The following NSUN7 variants were observed in gnomAD, a reference collection of about 807,000 sequenced individuals.
NSUN7 encodes NOP2/Sun RNA methyltransferase family member 7.
Under a neutral mutation model 58.5 loss-of-function variants are expected in NSUN7, and 39 were observed. That is an observed-to-expected ratio of 0.67 (90% confidence interval 0.52 to 0.87). The LOEUF is 0.87. Among genes scored for constraint, NSUN7 ranks in the 40% least tolerant of loss-of-function variants. The pLI is 0.00. For missense variants in NSUN7, 765 were observed against 844.1 expected (o/e 0.91, Z 1.16); for synonymous variants, 278 against 303.7 (o/e 0.92, Z 0.88).
At chr4:40,804,214 C>T (rs962865527) in intron 10 of NSUN7, among the ~76,000 whole-genome samples, 4 of 151,702 alleles carry the variant, frequency 2.6e-5, no homozygotes, top group African/African-American at 7.3e-5. Flanking sequence ...CTGAGGTGGG[C>T]GGATCACCTA....
At chr4:40,795,060 T>C (rs1193291232) in intron 9 of NSUN7, among the ~76,000 whole-genome samples, 1 of 152,202 alleles carries the variant, frequency 6.6e-6, no homozygotes, top group African/African-American at 2.4e-5. Context: ...GAGAAATTAA[T>C]AAGCTTTTAT....
In NSUN7 at chr4:40,778,974, C is replaced by T. The variant is rs376516954; in HGVS notation, c.1036+2715C>T. 2.6e-5 allele frequency among the ~76,000 whole-genome samples: 4 copies of T among 152,200 alleles called. No homozygotes were observed. In the East Asian group the frequency reaches 7.7e-4, roughly 29 times the overall value. ...AAAGATATTCTCAGACAAATAAGAT[C>T]TGAGAGTTTGTCACTAGTAGACACA... On this transcript the variant is annotated intron_variant, in intron 7 of 11. Coordinates refer to ENST00000381782, the MANE Select transcript of NSUN7 (RefSeq NM_024677.6).
At chr4:40,793,700 A>G (rs1344101541) in intron 8 of NSUN7, among the ~76,000 whole-genome samples, 1 of 152,220 alleles carries the variant, frequency 6.6e-6, no homozygotes, top group Non-Finnish European at 1.5e-5. Context: ...CTTAGTAGCT[A>G]TATAACCTTA....
In NSUN7 at chr4:40,790,797, A is replaced by G. The variant is rs557469711; in HGVS notation, c.1180+52A>G. The G allele has an allele frequency of 8.0e-5, 103 of 1,289,542 alleles. No homozygotes were observed. In the African/African-American group the frequency reaches 1.4e-3, roughly 18 times the overall value. The allele number at this position is 1,289,542 out of a possible 1,614,324, so 79.9% of individuals were successfully genotyped here. Reference sequence around the variant, plus strand: ...GAAATTAGTTGACAGTTTAAAATATAAAATTATTTAAAATCATTAAAATAG... The same window carrying G: ...GAAATTAGTTGACAGTTTAAAATATGAAATTATTTAAAATCATTAAAATAG... On this transcript the variant is annotated intron_variant, in intron 8 of 11. Coordinates refer to ENST00000381782, the MANE Select transcript of NSUN7 (RefSeq NM_024677.6).
intron 5 of NSUN7, 122 bp downstream of exon 5, chr4:40,774,539 G>C: frequency 2.1e-6 from 2 of 966,744 alleles, no homozygotes; most frequent in South Asian, 3.2e-5. Flanking sequence ...TAGGGAATCA[G>C]AGTTAAGTTC....
intron 5 of NSUN7, 51 bp from the exon 6 acceptor site, chr4:40,774,716 G>GT: frequency 1.7e-6 from 2 of 1,157,302 alleles, no homozygotes; most frequent in Non-Finnish European, 2.4e-6. Context: ...TGTTAAGGAC[G>GT]TTTTTAATGT....
chr4:40,789,302 A>G (rs571168105), intron 7 of NSUN7, among the ~76,000 whole-genome samples: 87 of 152,332 alleles, frequency 5.7e-4, no homozygotes, highest in African/African-American at 2.0e-3. Context: ...TAAGAAATAA[A>G]TGTTAAGAAA....
intron 10 of NSUN7, among the ~76,000 whole-genome samples, chr4:40,799,186 A>T (rs1289407243): frequency 1.3e-5 from 2 of 148,606 alleles, no homozygotes; most frequent in Non-Finnish European, 3.0e-5. Flanking sequence ...CCCAGGTTCA[A>T]GCAATTCTCC....
At chr4:40,792,665 G>A (rs890353700) in intron 8 of NSUN7, among the ~76,000 whole-genome samples, 1 of 152,054 alleles carries the variant, frequency 6.6e-6, no homozygotes, top group Non-Finnish European at 1.5e-5. Flanking sequence ...GCAGGAGAAT[G>A]GCTTGAACCC....
At chr4:40,774,991 A>G in intron 6 of NSUN7, 41 bp downstream of exon 6, 1 of 815,574 alleles carries the variant, frequency 1.2e-6, no homozygotes, top group Non-Finnish European at 1.9e-6. Context: ...TCAACAATCC[A>G]ACCTAGCCAA....
chr4:40,808,438 GACAAA>G lies in NSUN7; in HGVS notation c.1658_1662del (p.Thr553ArgfsTer5). On this transcript the variant is annotated frameshift_variant, in exon 12 of 12. Transcript: ENST00000381782. LOFTEE classifies it low-confidence loss of function (END_TRUNC). ...AGAAGAAAAAATCAAAAACATCATT[GACAAA>G]AGGTGCCACTACTGATAATGGCATC... 1 of 1,608,190 alleles carries G rather than the reference GACAAA, an allele frequency of 6.2e-7. No individual in the cohort carries two copies. The highest frequency in any genetic ancestry group is 2.2e-5 in the East Asian group (1 of 44,798).
intron 10 of NSUN7, among the ~76,000 whole-genome samples, 179 bp downstream of exon 10, chr4:40,799,083 T>TTTTC (rs1743455529): frequency 7.2e-6 from 1 of 138,664 alleles, no homozygotes; most frequent in Non-Finnish European, 1.5e-5. Context: ...CTTTTTTTTT[T>TTTTC]TTTTTTTTTT....
At chr4:40,792,129 A>G (rs978790555) in intron 8 of NSUN7, among the ~76,000 whole-genome samples, 2 of 152,254 alleles carry the variant, frequency 1.3e-5, no homozygotes, top group Non-Finnish European at 2.9e-5. Flanking sequence ...GAAAATTTCT[A>G]GATGAACTTT....
chr4:40,799,564 T>TC (rs1289794075), intron 10 of NSUN7, among the ~76,000 whole-genome samples: 1 of 151,662 alleles, frequency 6.6e-6, no homozygotes, highest in Non-Finnish European at 1.5e-5. Context: ...AGGCAAGCCA[T>TC]GATTAATGAT....
At chr4:40,760,585 G>A (rs749953604) in intron 3 of NSUN7, 93 bp downstream of exon 3, 119 of 1,006,998 alleles carry the variant, frequency 1.2e-4, no homozygotes, top group African/African-American at 7.3e-4. Context: ...GTTTGAGGCC[G>A]GGCGCAGTGG....
chr4:40,786,621 C>T, intron 7 of NSUN7: 3 of 1,612,338 alleles, frequency 1.9e-6, no homozygotes, highest in Non-Finnish European at 2.5e-6. Flanking sequence ...CCTGTGCAAT[C>T]ATAGGAGATG....
intron 10 of NSUN7, 39 bp downstream of exon 10, chr4:40,798,943 A>G (rs1560563726): frequency 9.7e-7 from 1 of 1,034,112 alleles, no homozygotes; most frequent in Admixed American, 2.2e-5. Context: ...ACTCAAACAA[A>G]TATTTTTTAA....
intron 7 of NSUN7, chr4:40,786,453 A>G: frequency 6.2e-7 from 1 of 1,612,238 alleles, no homozygotes; most frequent in Non-Finnish European, 8.5e-7. Flanking sequence ...CCAAAACTGA[A>G]CTTCACAAAA....
At chr4:40,788,133 G>A (rs577598441) in intron 7 of NSUN7, among the ~76,000 whole-genome samples, 83 of 152,210 alleles carry the variant, frequency 5.5e-4, no homozygotes, top group Non-Finnish European at 9.7e-4. Context: ...GTGCCCGGCC[G>A]AGGTTGCCTC....
Sources: allele counts gnomAD v4.1 joint callset (sites outside exome capture counted in the v4.1 genomes callset), GRCh38; gene constraint gnomAD v4.1.1; transcripts MANE v1.5; gene names NCBI Gene and HGNC (gene_info 2026-07-23, HGNC 2026-07-21).